Variants in CYP4F3 observed in about 807,000 individuals in gnomAD.
CYP4F3 encodes the protein cytochrome P450 4F3.
A neutral mutation model predicts 54.8 loss-of-function variants in CYP4F3; 50 were observed. The observed-to-expected ratio is 0.91, with a 90% CI of 0.73 to 1.16. CYP4F3 has a LOEUF of 1.16. Ranked by LOEUF, CYP4F3 falls within the 50% of genes most tolerant of loss-of-function variation. The pLI, the probability that CYP4F3 is intolerant of heterozygous loss-of-function variation, is 0.00. For synonymous variants in CYP4F3, 244 were observed against 262.6 expected, an observed-to-expected ratio of 0.93 and a Z score of 0.69; for missense variants, 715 against 676.2, an observed-to-expected ratio of 1.06 and a Z score of -0.64.
intron 9 of CYP4F3, 42 bp downstream of exon 9, chr19:15,652,994 T>A (rs764077138): frequency 6.4e-7 from 1 of 1,565,448 alleles, no homozygotes; most frequent in Admixed American, 1.9e-5. Flanking sequence ...GCCTGTCTCA[T>A]TGGCTCTGTT....
At chr19:15,643,891 C>A in intron 2 of CYP4F3, 1 of 1,545,368 alleles carries the variant, frequency 6.5e-7, no homozygotes, top group Non-Finnish European at 8.7e-7. Context: ...GGTGACGGCC[C>A]CTGCCTTGCT....
intron 9 of CYP4F3, among the ~76,000 whole-genome samples, chr19:15,653,168 T>C (rs1463207819): frequency 6.6e-6 from 1 of 152,066 alleles, no homozygotes. Flanking sequence ...CTGAGAGAAT[T>C]GTTGATGATA....
rs767734049 is a variant in CYP4F3 at position 15,643,937 on chromosome 19, C to T, written c.199-1782C>T. 3.1e-6 allele frequency: 5 copies of T among 1,605,512 alleles called. No individual in the cohort carries two copies. The East Asian group carries it at 1.1e-4, about 36-fold the overall frequency. On this transcript the variant is annotated intron_variant, in intron 2 of 12. Coordinates refer to ENST00000221307, the MANE Select transcript of CYP4F3 (RefSeq NM_000896.3). ...CCCCACGGAGCAGGGCATGAGGGTC[C>T]TGACTCAGCTGGTGGCCACCTACCC...
chr19:15,654,805 C>G (rs1972970428), intron 9 of CYP4F3, among the ~76,000 whole-genome samples: 1 of 152,194 alleles, frequency 6.6e-6, no homozygotes, highest in Non-Finnish European at 1.5e-5. Flanking sequence ...GTGAATAGTG[C>G]TGCAATAAAT....
intron 2 of CYP4F3, among the ~76,000 whole-genome samples, chr19:15,642,093 A>G (rs1445635922): frequency 1.3e-5 from 2 of 152,112 alleles, no homozygotes; most frequent in Non-Finnish European, 2.9e-5. Flanking sequence ...CCTCCCCAGT[A>G]AGATGTCCCA....
intron 9 of CYP4F3, chr19:15,658,028 T>C (rs1973073246): frequency 1.2e-6 from 1 of 836,170 alleles, no homozygotes; most frequent in African/African-American, 1.8e-5. Context: ...CTTTACCAAA[T>C]GTGAAGTTTT....
At chr19:15,648,985 C>T (rs1972706743) in intron 5 of CYP4F3, among the ~76,000 whole-genome samples, 175 bp from the exon 6 acceptor site, 1 of 152,172 alleles carries the variant, frequency 6.6e-6, no homozygotes, top group Admixed American at 6.5e-5. Flanking sequence ...CTTGGGTCTT[C>T]ATCTCTTAAT....
chr19:15,649,445 A>T (rs189283617), intron 6 of CYP4F3, among the ~76,000 whole-genome samples, 164 bp downstream of exon 6: 12 of 152,114 alleles, frequency 7.9e-5, no homozygotes, highest in Admixed American at 7.2e-4. Flanking sequence ...GTTTCCAGGG[A>T]CTCATTAAAA....
At chr19:15,643,318 A>ATAGATAGATAGAT (rs1568391327) in intron 2 of CYP4F3, among the ~76,000 whole-genome samples, 3 of 65,676 alleles carry the variant, frequency 4.6e-5, no homozygotes, top group African/African-American at 1.1e-4. Flanking sequence ...GATAGATTAG[A>ATAGATAGATAGAT]TAGATAGATA....
At position 15,659,539 on chromosome 19, in the gene CYP4F3, C is replaced by G; in HGVS notation, c.*154C>G. On this transcript the variant is annotated 3_prime_UTR_variant, in exon 13 of 13. Transcript: ENST00000221307. ...AGACAAGTGTTCAAACAGAAAGACG[C>G]TTGTGCGTGAATGTTCATGGCAGCC... 8.4e-7 allele frequency: 1 copy of G among 1,191,556 alleles called. No homozygotes were observed. The highest frequency in any genetic ancestry group is 1.1e-6 in the Non-Finnish European group (1 of 872,548). The allele number at this position is 1,191,556 out of a possible 1,614,324, so 73.8% of individuals were successfully genotyped here. A position where few individuals can be genotyped will look rare whatever the true frequency, so the allele number is the denominator to read the frequency against.
intron 3 of CYP4F3, among the ~76,000 whole-genome samples, chr19:15,646,298 C>T (rs370477829): frequency 6.6e-6 from 1 of 152,026 alleles, no homozygotes; most frequent in African/African-American, 2.4e-5. Flanking sequence ...TTGACACTGC[C>T]GTTTTCTCCT....
At position 15,658,826 on chromosome 19, in the gene CYP4F3, T is replaced by C; in HGVS notation, c.1397+17T>C. ...AGGGCCCAGGTAAGAGCGGCCTGTG[T>C]TTGAGGCGGGGACGGGGAGATAGGT... On this transcript the variant is annotated intron_variant, in intron 12 of 12. Coordinates refer to ENST00000221307, the MANE Select transcript of CYP4F3 (RefSeq NM_000896.3). The C allele has an allele frequency of 6.2e-7, 1 of 1,613,554 alleles. No individual in the cohort carries two copies. Among genetic ancestry groups the C allele is most frequent in the Non-Finnish European group, 8.5e-7 (1 of 1,179,686 alleles).
chr19:15,662,274 A>AAAAAAAAAAAAAAAAG lies in CYP4F3; in HGVS notation c.*2904_*2905insGAAAAAAAAAAAAAAA. The AAAAAAAAAAAAAAAAG allele has an allele frequency of 9.3e-6, 1 of 108,098 alleles. No individual in the cohort carries two copies. The highest frequency in any genetic ancestry group is 9.4e-5 in the Admixed American group (1 of 10,672). 6.7% of individuals were successfully genotyped at this position (108,098 alleles called of 1,614,324 possible). ...TGAAAGAGCTAGATTCTCTCTCTCA[A>AAAAAAAAAAAAAAAAG]AAAAAAAAAAAAAAAAAAGGAAAGA... On this transcript the variant is annotated 3_prime_UTR_variant, in exon 13 of 13. Transcript: ENST00000221307.
chr19:15,641,091 T>C, intron 1 of CYP4F3, 146 bp downstream of exon 1: 1 of 307,360 alleles, frequency 3.3e-6, no homozygotes. Flanking sequence ...TCCTGGTTGC[T>C]GGCTTGGAGG....
Position 15,657,827 on chromosome 19 carries a change from TA to T in CYP4F3, c.1116-433del, listed in dbSNP as rs1408370792. Among the ~76,000 whole-genome samples the T allele has an allele frequency of 8.5e-5, 13 of 152,334 alleles. No individual in the cohort carries two copies. In the East Asian group the frequency reaches 2.3e-3, roughly 27 times the overall value. The stretch of plus-strand genomic sequence containing the variant: ...TTTTCCTCTTTTTCTTTGGACCCTT[TA>T]AAAGTATTTACTTTTAAGAATGTGT... On this transcript the variant is annotated intron_variant, in intron 9 of 12. Coordinates refer to ENST00000221307, the MANE Select transcript of CYP4F3 (RefSeq NM_000896.3).
At chr19:15,646,091 T>C (rs961693273) in intron 3 of CYP4F3, among the ~76,000 whole-genome samples, 5 of 152,190 alleles carry the variant, frequency 3.3e-5, no homozygotes, top group African/African-American at 1.2e-4. Flanking sequence ...TATGGTCAAG[T>C]CTGCTGTACG....
intron 2 of CYP4F3, chr19:15,644,007 G>C (rs765496128): frequency 6.2e-7 from 1 of 1,604,008 alleles, no homozygotes; most frequent in East Asian, 2.3e-5. Flanking sequence ...CCCGTCATCC[G>C]TTTTTGCCAC....
intron 9 of CYP4F3, among the ~76,000 whole-genome samples, chr19:15,657,053 G>A (rs1034228265): frequency 3.3e-5 from 5 of 152,130 alleles, no homozygotes; most frequent in African/African-American, 1.2e-4. Flanking sequence ...CTTCTAGCCT[G>A]CAGTATGTGG....
intron 2 of CYP4F3, 50 bp from the exon 3 acceptor site, chr19:15,645,669 C>G (rs749915842): frequency 6.5e-7 from 1 of 1,535,026 alleles, no homozygotes; most frequent in African/African-American, 1.4e-5. Flanking sequence ...AGATCCTTCT[C>G]TCTCGCAGCC....
Sources: allele counts gnomAD v4.1 joint callset (sites outside exome capture counted in the v4.1 genomes callset), GRCh38; gene constraint gnomAD v4.1.1; transcripts MANE v1.5; gene names NCBI Gene and HGNC (gene_info 2026-07-23, HGNC 2026-07-21).